Variants in GPT2 observed in about 807,000 individuals in gnomAD.
GPT2 encodes the protein alanine aminotransferase 2.
GPT2 carries 30 observed loss-of-function variants against 56.9 expected under a neutral mutation model. That is an observed-to-expected ratio of 0.53 (90% CI 0.39 to 0.72). GPT2 has a LOEUF of 0.72. Ranked by LOEUF, GPT2 falls within the 30% of genes least tolerant of loss-of-function variation. GPT2 has a pLI of 0.00. For missense variants in GPT2, 542 were observed against 703.4 expected (o/e 0.77, Z 2.60); for synonymous variants, 271 against 283.1 (o/e 0.96, Z 0.43).
chr16:46,922,141 G>T, intron 8 of GPT2, 101 bp from the exon 9 acceptor site: 1 of 1,086,052 alleles, frequency 9.2e-7, no homozygotes, highest in Non-Finnish European at 1.4e-6. Flanking sequence ...CTGGCCATTT[G>T]GTGTTGGGTG....
chr16:46,918,821 T>TCTGCC, intron 8 of GPT2, 64 bp downstream of exon 8: 2 of 1,588,860 alleles, frequency 1.3e-6, no homozygotes, highest in Non-Finnish European at 1.7e-6. Context: ...TGCCGGCTCC[T>TCTGCC]CTGCCCTGCC....
chr16:46,891,457 G>A (rs1171697989), intron 2 of GPT2, among the ~76,000 whole-genome samples: 1 of 151,968 alleles, frequency 6.6e-6, no homozygotes, highest in Non-Finnish European at 1.5e-5. Context: ...AGGCTTGAGT[G>A]TAGTGGCGCA....
chr16:46,909,564 G>A (rs1428718449), intron 5 of GPT2, 120 bp from the exon 6 acceptor site: 4 of 1,134,140 alleles, frequency 3.5e-6, no homozygotes, highest in Admixed American at 2.6e-5. Flanking sequence ...ACTGAGACTC[G>A]GGGAAGTAAA....
chr16:46,890,085 G>GGCAGCTCAGCCCTGGAGGCTCTT (rs1960557902), intron 2 of GPT2, among the ~76,000 whole-genome samples: 1 of 152,236 alleles, frequency 6.6e-6, no homozygotes, highest in Non-Finnish European at 1.5e-5. Context: ...TCAGTGATCT[G>GGCAGCTCAGCCCTGGAGGCTCTT]GCAGCTCAGC....
chr16:46,891,399 C>T (rs1175483532), intron 2 of GPT2, among the ~76,000 whole-genome samples: 1 of 151,080 alleles, frequency 6.6e-6, no homozygotes, highest in Non-Finnish European at 1.5e-5. Context: ...CCTGCCACCA[C>T]ACCAGGCTAA....
At chr16:46,914,571 G>A (rs1372391312) in intron 6 of GPT2, among the ~76,000 whole-genome samples, 3 of 152,166 alleles carry the variant, frequency 2.0e-5, no homozygotes, top group Non-Finnish European at 4.4e-5. Flanking sequence ...TGTGTTGTAA[G>A]TGTTCTCTGT....
At chr16:46,904,083 G>A (rs956983018) in intron 4 of GPT2, among the ~76,000 whole-genome samples, 4 of 152,210 alleles carry the variant, frequency 2.6e-5, no homozygotes, top group Non-Finnish European at 4.4e-5. Context: ...AGTGGTGTTC[G>A]ATGAGGTGGG....
At chr16:46,924,862 C>A (rs1961371356) in intron 10 of GPT2, among the ~76,000 whole-genome samples, 1 of 152,158 alleles carries the variant, frequency 6.6e-6, no homozygotes, top group Non-Finnish European at 1.5e-5. Flanking sequence ...CACCTCCACC[C>A]AGCCACTGCA....
chr16:46,925,941 C>G (rs1196262429), intron 10 of GPT2, among the ~76,000 whole-genome samples: 1 of 151,608 alleles, frequency 6.6e-6, no homozygotes, highest in African/African-American at 2.4e-5. Context: ...ACCAGCTTGG[C>G]CAACACGGTG....
intron 4 of GPT2, among the ~76,000 whole-genome samples, chr16:46,901,976 C>T (rs1371209846): frequency 6.6e-6 from 1 of 152,230 alleles, no homozygotes; most frequent in African/African-American, 2.4e-5. Context: ...CTGCCTGGCC[C>T]CAAGGGCAAA....
intron 11 of GPT2, 150 bp downstream of exon 11, chr16:46,927,187 C>T: frequency 2.1e-6 from 1 of 472,488 alleles, no homozygotes; most frequent in Non-Finnish European, 3.7e-6. Context: ...TGCTGCAGAC[C>T]CAAGCTCAGA....
intron 10 of GPT2, among the ~76,000 whole-genome samples, chr16:46,925,473 G>A (rs1203992923): frequency 6.6e-6 from 1 of 151,942 alleles, no homozygotes; most frequent in Non-Finnish European, 1.5e-5. Context: ...TGCCCACCTC[G>A]GCCTCCTGAG....
chr16:46,888,304 CAT>C (rs1162030690), intron 2 of GPT2, among the ~76,000 whole-genome samples: 1 of 152,220 alleles, frequency 6.6e-6, no homozygotes, highest in African/African-American at 2.4e-5. Context: ...GTGCCAAGCA[CAT>C]GTGTTGAATC....
chr16:46,906,792 G>T, intron 4 of GPT2, 50 bp from the exon 5 acceptor site: 2 of 1,606,380 alleles, frequency 1.2e-6, no homozygotes, highest in Non-Finnish European at 1.7e-6. Flanking sequence ...TATTGACCCT[G>T]TGGAGCCAGA....
intron 2 of GPT2, chr16:46,885,404 G>A (rs1960464544): frequency 4.7e-6 from 4 of 852,142 alleles, no homozygotes; most frequent in African/African-American, 3.7e-5. Flanking sequence ...GACGGGGTGG[G>A]GGGGGCTCTG....
At chr16:46,913,657 T>C (rs1961086809) in intron 6 of GPT2, among the ~76,000 whole-genome samples, 1 of 152,220 alleles carries the variant, frequency 6.6e-6, no homozygotes, top group Non-Finnish European at 1.5e-5. Flanking sequence ...GTATGTTTTT[T>C]CCAGGCATAT....
intron 2 of GPT2, among the ~76,000 whole-genome samples, chr16:46,887,503 G>A (rs1174693307): frequency 1.3e-5 from 2 of 152,182 alleles, no homozygotes; most frequent in East Asian, 1.9e-4. Flanking sequence ...GAGATGGGAT[G>A]GGCTAGGATT....
intron 2 of GPT2, among the ~76,000 whole-genome samples, chr16:46,893,459 G>T (rs1960622555): frequency 6.6e-6 from 1 of 152,200 alleles, no homozygotes. Context: ...ATCCACGGTT[G>T]GTTGAGTCCG....
intron 2 of GPT2, chr16:46,885,413 T>A (rs1407537791): frequency 1.6e-5 from 15 of 916,410 alleles, no homozygotes; most frequent in Non-Finnish European, 1.8e-5. Flanking sequence ...GGGGGGGCTC[T>A]GCGGAAAGTT....
Sources: allele counts gnomAD v4.1 joint callset (sites outside exome capture counted in the v4.1 genomes callset), GRCh38; gene constraint gnomAD v4.1.1; transcripts MANE v1.5; gene names NCBI Gene and HGNC (gene_info 2026-07-23, HGNC 2026-07-21).